The following UTRN variants were observed in gnomAD, a reference collection of about 807,000 sequenced individuals.
UTRN encodes dystrophin-related protein 1.
UTRN carries 283 observed loss-of-function variants against 463.9 expected under a neutral mutation model. The ratio of observed to expected loss-of-function variants is 0.61; its 90% CI spans 0.55 to 0.67. The LOEUF is 0.67. Among genes scored for constraint, UTRN ranks in the 30% least tolerant of loss-of-function variants. The pLI, the probability that UTRN is intolerant of heterozygous loss-of-function variation, is 0.00. For synonymous variants in UTRN, 1,442 were observed against 1,431.5 expected (o/e 1.01, Z -0.17); for missense variants, 3,922 against 4,084.3 (o/e 0.96, Z 1.08).
chr6:144,453,474 C>T (rs1788526712), intron 18 of UTRN, among the ~76,000 whole-genome samples: 1 of 152,172 alleles, frequency 6.6e-6, no homozygotes, highest in African/African-American at 2.4e-5. Flanking sequence ...TGTCATAACA[C>T]ATTCAATTCT....
rs1241401797 is a variant in UTRN, at chr6:144,676,101, G to A, written c.7480-2305G>A. Among the ~76,000 whole-genome samples, 4 of 144,766 alleles carry A rather than the reference G, an allele frequency of 2.8e-5. No homozygotes were observed. In the East Asian group the frequency reaches 8.1e-4, roughly 29 times the overall value. 95.0% of individuals were successfully genotyped at this position (144,766 alleles called of 152,430 possible). A position where few individuals can be genotyped will look rare whatever the true frequency, so the allele number is the denominator to read the frequency against. On this transcript the variant is annotated intron_variant, in intron 51 of 74. Transcript: ENST00000367545. ...TAATACTAGATATAAATAAATTATT[G>A]AAATTTCCCAGATAATGCATGCAAT...
chr6:144,818,794 A>G (rs1779306709), intron 65 of UTRN, among the ~76,000 whole-genome samples: 2 of 152,130 alleles, frequency 1.3e-5, no homozygotes, highest in Non-Finnish European at 2.9e-5. Flanking sequence ...AGATGTGAAA[A>G]TCGTTTATAG....
At chr6:144,517,847 A>G (rs772059660) in intron 39 of UTRN, among the ~76,000 whole-genome samples, 8 of 152,228 alleles carry the variant, frequency 5.3e-5, no homozygotes, top group Admixed American at 1.3e-4. Flanking sequence ...TTGTATGACA[A>G]TGAAATAACC....
At chr6:144,757,848 TA>T in intron 57 of UTRN, 80 bp from the exon 58 acceptor site, 1 of 1,307,940 alleles carries the variant, frequency 7.6e-7, no homozygotes, top group Non-Finnish European at 1.1e-6. Context: ...GAATTTGCTA[TA>T]AAATGTTCAG....
chr6:144,493,361 A>T lies in UTRN; in HGVS notation c.4498A>T (p.Arg1500Ter). Residue 1500 changes from arginine to a stop codon, truncating the protein, a stop_gained, in exon 33 of 75, where the codon AGA becomes TGA. Coordinates refer to ENST00000367545, the MANE Select transcript of UTRN (RefSeq NM_007124.3). LOFTEE classifies it high-confidence loss of function. ...LEVETVIKTG[R>*]HIVQKQQTDN... ...AGTGGAAACTGTGATTAAAACAGGA[A>T]GACATATTGTCCAGAAACAGCAAAC... 1 of 1,614,178 alleles carries T rather than the reference A, an allele frequency of 6.2e-7. No homozygotes were observed. Among genetic ancestry groups the T allele is most frequent in the Non-Finnish European group, 8.5e-7 (1 of 1,179,994 alleles).
chr6:144,782,151 T>G, intron 61 of UTRN, 28 bp downstream of exon 61: 1 of 1,531,010 alleles, frequency 6.5e-7, no homozygotes, highest in Non-Finnish European at 8.9e-7. Context: ...CTCATTAAAA[T>G]ACGATCACTG....
Position 144,797,853 on chromosome 6 carries a change from A to G in UTRN, c.9108A>G (p.Lys3036=). 6.2e-7 allele frequency: 1 copy of G among 1,614,052 alleles called. No homozygotes were observed. Among genetic ancestry groups the G allele is most frequent in the Non-Finnish European group, 8.5e-7 (1 of 1,179,968 alleles). Residue 3036 remains lysine (K), a synonymous_variant, in exon 64 of 75, where the codon AAA becomes AAG. Coordinates refer to ENST00000367545, the MANE Select transcript of UTRN (RefSeq NM_007124.3). ...QNNNKPEISV[K]EFIDWMHLEP... is the part of the protein sequence containing the mutation. ...ACAATAAACCAGAAATAAGTGTGAA[A>G]GAGTTTATAGATTGGATGCATTTGG...
chr6:144,843,772 C>T (rs908954639), intron 73 of UTRN, among the ~76,000 whole-genome samples: 3 of 152,178 alleles, frequency 2.0e-5, no homozygotes, highest in Admixed American at 6.5e-5. Context: ...AACTCAAAAC[C>T]TACTGAAATG....
intron 23 of UTRN, among the ~76,000 whole-genome samples, chr6:144,467,778 G>C (rs1790108055): frequency 6.6e-6 from 1 of 152,214 alleles, no homozygotes; most frequent in Admixed American, 6.5e-5. Flanking sequence ...ATAAGGGTTT[G>C]AGTTTTTTTT....
chr6:144,599,695 GA>G (rs1390395386), intron 51 of UTRN, among the ~76,000 whole-genome samples: 1 of 152,114 alleles, frequency 6.6e-6, no homozygotes, highest in African/African-American at 2.4e-5. Context: ...TAGTAGAAAG[GA>G]AGGAAGAAGA....
At chr6:144,303,537 C>T (rs1163017968) in intron 2 of UTRN, among the ~76,000 whole-genome samples, 1 of 152,190 alleles carries the variant, frequency 6.6e-6, no homozygotes, top group African/African-American at 2.4e-5. Context: ...CTGAAGTTGA[C>T]TACTGCTGTT....
intron 66 of UTRN, among the ~76,000 whole-genome samples, chr6:144,824,786 C>A (rs1780029558): frequency 6.9e-6 from 1 of 143,942 alleles, no homozygotes. Flanking sequence ...GGGGGGGTGT[C>A]CCCCCAGCGT....
In UTRN at chr6:144,460,552, T is replaced by C. The variant is rs187440112; in HGVS notation, c.2708-645T>C. Among the ~76,000 whole-genome samples, 8 of 152,380 alleles carry C rather than the reference T, an allele frequency of 5.3e-5. No individual in the cohort carries two copies. The East Asian group carries it at 7.7e-4, about 15-fold the overall frequency. ...TTGAGGGTACCTCTTTCTCCACTTA[T>C]TGGTACAAGCTGTGCTTTCACTTTT... On this transcript the variant is annotated intron_variant, in intron 21 of 74. Transcript: ENST00000367545.
intron 54 of UTRN, among the ~76,000 whole-genome samples, chr6:144,744,400 T>G (rs1232854128): frequency 1.4e-5 from 2 of 142,534 alleles, no homozygotes; most frequent in African/African-American, 5.0e-5. Context: ...GTATAATATA[T>G]ACATAATTTT....
chr6:144,536,300 G>A (rs1797527000), intron 43 of UTRN, among the ~76,000 whole-genome samples: 1 of 152,076 alleles, frequency 6.6e-6, no homozygotes, highest in Non-Finnish European at 1.5e-5. Flanking sequence ...TTGAAACATT[G>A]GACGTGAAAT....
intron 23 of UTRN, among the ~76,000 whole-genome samples, chr6:144,465,622 A>T (rs144588414): frequency 1.3e-3 from 191 of 152,316 alleles, no homozygotes; most frequent in African/African-American, 3.9e-3. Flanking sequence ...TTTATCTTAA[A>T]TTCAAAAGAA....
At chr6:144,454,712 T>A (rs1018987505) in intron 19 of UTRN, among the ~76,000 whole-genome samples, 2 of 152,214 alleles carry the variant, frequency 1.3e-5, no homozygotes, top group Non-Finnish European at 2.9e-5. Flanking sequence ...CTTGTATCAG[T>A]TACCTAGTTT....
At position 144,453,767 on chromosome 6, in the gene UTRN, G is replaced by A. The variant is rs375411738; in HGVS notation, c.2197-15G>A. The A allele has an allele frequency of 4.0e-5, 64 of 1,607,226 alleles. No individual in the cohort carries two copies. The highest frequency in any genetic ancestry group is 5.1e-5 in the Non-Finnish European group (60 of 1,176,174). The stretch of plus-strand genomic sequence containing the variant: ...GAAAGTTTGCAATATTCTTATGTTG[G>A]GACTTCATTTGCAGGCATTAGAAAA... On this transcript the variant is annotated splice_polypyrimidine_tract_variant and intron_variant, in intron 18 of 74. Transcript: ENST00000367545.
At chr6:144,569,608 A>G (rs1800748926) in intron 50 of UTRN, among the ~76,000 whole-genome samples, 1 of 152,218 alleles carries the variant, frequency 6.6e-6, no homozygotes, top group Non-Finnish European at 1.5e-5. Context: ...TATTCAATAA[A>G]TACTTGTTGA....
Sources: allele counts gnomAD v4.1 joint callset (sites outside exome capture counted in the v4.1 genomes callset), GRCh38; gene constraint gnomAD v4.1.1; transcripts MANE v1.5; gene names NCBI Gene and HGNC (gene_info 2026-07-23, HGNC 2026-07-21).